The following COPG2 variants were observed in gnomAD, a reference collection of about 807,000 sequenced individuals.
The protein encoded by COPG2 is coatomer subunit gamma-2.
COPG2 carries 37 observed loss-of-function variants against 46.3 expected under a neutral mutation model. The ratio of observed to expected loss-of-function variants is 0.80; its 90% CI spans 0.61 to 1.05. The LOEUF is 1.05. Among genes scored for constraint, COPG2 ranks in the 50% least tolerant of loss-of-function variants. The probability of loss-of-function intolerance (pLI) is 0.00; values close to 1 mark genes in which losing one functional copy is unlikely to be tolerated. For synonymous variants in COPG2, 159 were observed against 129.7 expected, an observed-to-expected ratio of 1.23 and a Z score of -1.53; for missense variants, 427 against 387.8, an observed-to-expected ratio of 1.10 and a Z score of -0.85.
At chr7:130,548,026 T>C (rs1420806728) in intron 19 of COPG2, among the ~76,000 whole-genome samples, 181 bp from the exon 20 acceptor site, 1 of 152,176 alleles carries the variant, frequency 6.6e-6, no homozygotes, top group African/African-American at 2.4e-5. Context: ...TTTGTTTATA[T>C]TATTCATCAG....
Position 130,613,618 on chromosome 7 carries a change from T to C in COPG2, c.418A>G (p.Ile140Val). ...ATGGCCTGCTTCATGTATCTTTCAA[T>C]GGCTTGCAACATTGTTCCCTAATAA... ...RITDGTMLQA[I>V]ERYMKQAIVD... The change falls in exon 7 of 24, where the codon ATT becomes GTT. Residue 140 changes from isoleucine to valine, a missense_variant. Ile to Val is a conservative substitution (Grantham distance 29, BLOSUM62 3). Coordinates refer to ENST00000425248, the MANE Select transcript of COPG2 (RefSeq NM_012133.6). The C allele has an allele frequency of 6.3e-7, 1 of 1,599,572 alleles. No individual in the cohort carries two copies. The highest frequency in any genetic ancestry group is 8.5e-7 in the Non-Finnish European group (1 of 1,171,870).
In COPG2 at chr7:130,563,119, T is replaced by C. The variant is rs1793742944; in HGVS notation, c.939+150A>G. The C allele has an allele frequency of 2.1e-5, 8 of 382,006 alleles. No individual in the cohort carries two copies. In the South Asian group the frequency reaches 7.2e-4, roughly 35 times the overall value. 23.7% of individuals were successfully genotyped at this position (382,006 alleles called of 1,614,324 possible). A position where few individuals can be genotyped will look rare whatever the true frequency, so the allele number is the denominator to read the frequency against. ...AGCTAAATAATAATAAAAATGAGCATACTCAAGGCCACAAATACAAGTGAA... is the reference window on the plus strand; with the variant it reads ...AGCTAAATAATAATAAAAATGAGCACACTCAAGGCCACAAATACAAGTGAA... On this transcript the variant is annotated intron_variant, in intron 11 of 23. Transcript: ENST00000425248.
At chr7:130,662,744 C>T (rs1258402433) in intron 4 of COPG2, among the ~76,000 whole-genome samples, 1 of 152,190 alleles carries the variant, frequency 6.6e-6, no homozygotes, top group African/African-American at 2.4e-5. Flanking sequence ...TAGGTATTAA[C>T]AGTCTTTATG....
intron 3 of COPG2, among the ~76,000 whole-genome samples, chr7:130,663,730 CTTTTTTT>C (rs71178602): frequency 3.0e-5 from 2 of 67,158 alleles, no homozygotes; most frequent in African/African-American, 1.2e-4. Context: ...CATTTCTTTT[CTTTTTTT>C]TTTTTTTTTT....
chr7:130,531,366 G>C (rs1384543728), intron 20 of COPG2, among the ~76,000 whole-genome samples: 2 of 152,044 alleles, frequency 1.3e-5, no homozygotes, highest in Admixed American at 6.6e-5. Flanking sequence ...TCAAGGTAAG[G>C]GGCTGGATTC....
intron 9 of COPG2, among the ~76,000 whole-genome samples, chr7:130,592,630 A>AT (rs1794454227): frequency 1.3e-5 from 2 of 152,252 alleles, no homozygotes; most frequent in South Asian, 4.2e-4. Context: ...TTTTTTAAAA[A>AT]ATATAGCAAA....
At chr7:130,627,607 T>C (rs1301165776) in intron 5 of COPG2, among the ~76,000 whole-genome samples, 1 of 152,120 alleles carries the variant, frequency 6.6e-6, no homozygotes, top group African/African-American at 2.4e-5. Flanking sequence ...GGCAATTCTT[T>C]TTACCGTCTT....
chr7:130,576,631 A>C (rs1794003005), intron 9 of COPG2, among the ~76,000 whole-genome samples: 1 of 152,210 alleles, frequency 6.6e-6, no homozygotes, highest in South Asian at 2.1e-4. Context: ...AAAAAGTTCA[A>C]GTGCCTACAT....
chr7:130,560,719 G>C (rs1793705418), intron 12 of COPG2, among the ~76,000 whole-genome samples: 2 of 152,114 alleles, frequency 1.3e-5, no homozygotes, highest in Admixed American at 1.3e-4. Context: ...GGAAAAGGAA[G>C]TCTTTCCAAC....
chr7:130,613,661 T>C (rs1554452497), intron 6 of COPG2, 25 bp from the exon 7 acceptor site: 6 of 1,506,182 alleles, frequency 4.0e-6, no homozygotes, highest in Admixed American at 1.9e-5. Context: ...AAAGAAAAAA[T>C]TGTTAAGGAA....
intron 9 of COPG2, among the ~76,000 whole-genome samples, chr7:130,565,902 A>G (rs1317322544): frequency 6.6e-6 from 1 of 152,188 alleles, no homozygotes; most frequent in African/African-American, 2.4e-5. Flanking sequence ...GATGAAAATA[A>G]AAAAAGAAGG....
chr7:130,560,697 G>C (rs1793704908), intron 12 of COPG2, among the ~76,000 whole-genome samples: 5 of 152,086 alleles, frequency 3.3e-5, no homozygotes. Context: ...AGGTGCCAAA[G>C]CACTCCAACA....
At chr7:130,531,792 G>A (rs968516548) in intron 20 of COPG2, among the ~76,000 whole-genome samples, 4 of 149,646 alleles carry the variant, frequency 2.7e-5, no homozygotes, top group African/African-American at 7.4e-5. Flanking sequence ...CAAGGTGGTC[G>A]CAGGGAGTCA....
At chr7:130,632,875 CTAA>C (rs1795257491) in intron 5 of COPG2, among the ~76,000 whole-genome samples, 3 of 152,084 alleles carry the variant, frequency 2.0e-5, no homozygotes, top group African/African-American at 7.2e-5. Flanking sequence ...GGTACTTCTC[CTAA>C]TGATATCCCT....
At chr7:130,536,646 G>A (rs1390305439) in intron 20 of COPG2, among the ~76,000 whole-genome samples, 1 of 152,192 alleles carries the variant, frequency 6.6e-6, no homozygotes, top group Non-Finnish European at 1.5e-5. Context: ...GAAGATGCAC[G>A]TGCAGCGGGG....
intron 20 of COPG2, among the ~76,000 whole-genome samples, chr7:130,527,884 G>A (rs1014244495): frequency 5.7e-4 from 86 of 152,210 alleles, no homozygotes; most frequent in African/African-American, 1.9e-3. Flanking sequence ...GGTTTCCAAC[G>A]CCTCGGTCCC....
In COPG2 at chr7:130,666,852, G is replaced by C; in HGVS notation, c.168C>G (p.Asn56Lys). 1 of 1,415,024 alleles carries C rather than the reference G, an allele frequency of 7.1e-7. No individual in the cohort carries two copies. The highest frequency in any genetic ancestry group is 1.2e-5 in the South Asian group (1 of 81,312). 87.7% of individuals were successfully genotyped at this position (1,415,024 alleles called of 1,614,324 possible). The change falls in exon 3 of 24, where the codon AAC (asparagine) becomes AAG (lysine). Residue 56 changes from asparagine to lysine, a missense_variant. By Grantham distance (94) the Asn-to-Lys change is moderately conservative (BLOSUM62 0). Transcript: ENST00000425248. ...GAGGAAAATAAAAATAATATACCTG[G>C]TTCAGTAAGTAAAGAATCTTTGTAA... ...HILTKILYLL[N>K]QGEHFGTTEA...
At chr7:130,647,779 G>A (rs1410752860) in intron 5 of COPG2, among the ~76,000 whole-genome samples, 1 of 149,944 alleles carries the variant, frequency 6.7e-6, no homozygotes, top group Non-Finnish European at 1.5e-5. Flanking sequence ...CGCCCAGGCT[G>A]GAGTGCAGTG....
At chr7:130,653,000 T>A in intron 4 of COPG2, 52 bp from the exon 5 acceptor site, 5 of 1,264,678 alleles carry the variant, frequency 4.0e-6, no homozygotes, top group Non-Finnish European at 5.6e-6. Flanking sequence ...AAATGGTTTT[T>A]TAAATTATTT....
Sources: allele counts gnomAD v4.1 joint callset (sites outside exome capture counted in the v4.1 genomes callset), GRCh38; gene constraint gnomAD v4.1.1; transcripts MANE v1.5; gene names NCBI Gene and HGNC (gene_info 2026-07-23, HGNC 2026-07-21).